GSTCD: variants seen among roughly 807,000 people sequenced by gnomAD.
GSTCD encodes the protein glutathione S-transferase C-terminal domain-containing protein.
GSTCD carries 44 observed loss-of-function variants against 68.3 expected under a neutral mutation model. The observed-to-expected ratio is 0.64, with a 90% CI of 0.51 to 0.83. The LOEUF is 0.83. Ranked by LOEUF, GSTCD falls within the 40% of genes least tolerant of loss-of-function variation. The pLI, the probability that GSTCD is intolerant of heterozygous loss-of-function variation, is 0.00. For synonymous variants in GSTCD, 273 were observed against 255.2 expected, an observed-to-expected ratio of 1.07 and a Z score of -0.67; for missense variants, 739 against 735.9, an observed-to-expected ratio of 1.00 and a Z score of -0.05.
At chr4:105,815,881 A>G (rs1043367241) in intron 5 of GSTCD, among the ~76,000 whole-genome samples, 3 of 152,218 alleles carry the variant, frequency 2.0e-5, no homozygotes, top group Non-Finnish European at 4.4e-5. Context: ...AAATAACAAC[A>G]ACAAAAACCC....
At chr4:105,766,470 A>G (rs1032115588) in intron 5 of GSTCD, among the ~76,000 whole-genome samples, 1 of 152,260 alleles carries the variant, frequency 6.6e-6, no homozygotes, top group African/African-American at 2.4e-5. Context: ...TATATAGAAT[A>G]GAACCAGGGA....
At chr4:105,788,164 C>CAT (rs1221854490) in intron 5 of GSTCD, among the ~76,000 whole-genome samples, 6 of 151,956 alleles carry the variant, frequency 3.9e-5, no homozygotes, top group Non-Finnish European at 8.8e-5. Flanking sequence ...CCTGTGGTTT[C>CAT]ATAAATACTT....
chr4:105,726,694 T>A lies in GSTCD; in HGVS notation c.1010T>A (p.Ile337Asn). The A allele has an allele frequency of 6.2e-7, 1 of 1,613,990 alleles. No homozygotes were observed. The highest frequency in any genetic ancestry group is 8.5e-7 in the Non-Finnish European group (1 of 1,179,950). The change falls in exon 4 of 12, where the codon ATC (isoleucine) becomes AAC (asparagine). Residue 337 changes from isoleucine to asparagine, a missense_variant. Physicochemically the swap from Ile to Asn is moderately radical, Grantham distance 149. Coordinates refer to ENST00000515279, the MANE Select transcript of GSTCD (RefSeq NM_001370181.1). ...GVKTAASKCG[I>N]QFLHLPKLLT... ...AAAACAGCAGCTTCTAAGTGTGGGA[T>A]CCAATTTCTCCATTTACCAAAGTTG...
At chr4:105,776,616 A>G (rs934982772) in intron 5 of GSTCD, among the ~76,000 whole-genome samples, 1 of 152,092 alleles carries the variant, frequency 6.6e-6, no homozygotes, top group Non-Finnish European at 1.5e-5. Context: ...CTTGCACTTC[A>G]TCGGTGAGGC....
In GSTCD at chr4:105,726,562, A is replaced by G. The variant is rs766813956; in HGVS notation, c.895-17A>G. 2 of 1,497,276 alleles carry G rather than the reference A, an allele frequency of 1.3e-6. No individual in the cohort carries two copies. The highest frequency in any genetic ancestry group is 1.4e-5 in the African/African-American group (1 of 70,690). 92.7% of individuals were successfully genotyped at this position (1,497,276 alleles called of 1,614,324 possible). On this transcript the variant is annotated splice_polypyrimidine_tract_variant and intron_variant, in intron 3 of 11. Transcript: ENST00000515279. ...CAAAATATATATAATAATGTGTTTT[A>G]TTATTTTCCTACCTAGGTAATTATC... is the stretch of plus-strand genomic sequence containing the variant.
chr4:105,822,096 T>C (rs1348290537), intron 5 of GSTCD, among the ~76,000 whole-genome samples: 4 of 152,050 alleles, frequency 2.6e-5, no homozygotes. Context: ...TCTGGTGTCT[T>C]ACATTTTCTT....
chr4:105,770,966 GAACT>G (rs1201762616), intron 5 of GSTCD, among the ~76,000 whole-genome samples: 2 of 152,110 alleles, frequency 1.3e-5, no homozygotes, highest in African/African-American at 4.8e-5. Context: ...CACAATGGTT[GAACT>G]AATTTATACT....
intron 5 of GSTCD, among the ~76,000 whole-genome samples, chr4:105,753,602 C>T (rs1379564367): frequency 6.6e-6 from 1 of 151,854 alleles, no homozygotes; most frequent in East Asian, 1.9e-4. Context: ...CTAGAGATGA[C>T]AGTATATGGG....
In GSTCD at chr4:105,709,438, A is replaced by G. The variant is rs1042049608; in HGVS notation, c.-22+422A>G. ...TTCCATTCCAGCCCTTCCTGATTGCAGAAAGCAGTTCTATGTGAATACTAC... is the reference window on the plus strand; with the variant it reads ...TTCCATTCCAGCCCTTCCTGATTGCGGAAAGCAGTTCTATGTGAATACTAC... On this transcript the variant is annotated intron_variant, in intron 1 of 11. Transcript: ENST00000515279. Among the ~76,000 whole-genome samples, 6 of 152,286 alleles carry G rather than the reference A, an allele frequency of 3.9e-5. No homozygotes were observed. In the South Asian group the frequency reaches 1.2e-3, roughly 32 times the overall value.
At chr4:105,791,469 C>CGTTT (rs963790783) in intron 5 of GSTCD, among the ~76,000 whole-genome samples, 12 of 151,070 alleles carry the variant, frequency 7.9e-5, no homozygotes, top group Non-Finnish European at 1.2e-4. Flanking sequence ...GAGTAAAACA[C>CGTTT]GTTTGTTTGT....
chr4:105,739,172 C>T (rs540796180), intron 5 of GSTCD, among the ~76,000 whole-genome samples: 1 of 152,212 alleles, frequency 6.6e-6, no homozygotes, highest in Admixed American at 6.5e-5. Context: ...TCCTTATATT[C>T]CTGGGATAAA....
intron 5 of GSTCD, among the ~76,000 whole-genome samples, chr4:105,733,206 G>T (rs543773538): frequency 1.3e-5 from 2 of 152,108 alleles, no homozygotes; most frequent in Non-Finnish European, 2.9e-5. Context: ...TATTTGGTTT[G>T]CTTGGTGTGG....
intron 5 of GSTCD, among the ~76,000 whole-genome samples, chr4:105,800,146 A>G (rs1389181597): frequency 6.6e-6 from 1 of 152,214 alleles, no homozygotes; most frequent in Non-Finnish European, 1.5e-5. Context: ...AAGAGGTTTA[A>G]TGGACTTGCA....
At chr4:105,760,514 G>GATT (rs1419623187) in intron 5 of GSTCD, among the ~76,000 whole-genome samples, 2 of 152,118 alleles carry the variant, frequency 1.3e-5, no homozygotes, top group Non-Finnish European at 2.9e-5. Context: ...TTTGTTAAGG[G>GATT]ATTACTAAGT....
chr4:105,776,358 G>A (rs571259521), intron 5 of GSTCD, among the ~76,000 whole-genome samples: 16 of 152,174 alleles, frequency 1.1e-4, no homozygotes, highest in Admixed American at 7.2e-4. Context: ...GTTTTGTCTC[G>A]CTGGCATTCC....
rs1560792598 is a variant in GSTCD at position 105,719,317 on chromosome 4, A to AG, written c.687dup (p.Leu230ValfsTer78). 3.7e-6 allele frequency: 6 copies of AG among 1,614,140 alleles called. No individual in the cohort carries two copies. Among genetic ancestry groups the AG allele is most frequent in the Non-Finnish European group, 5.1e-6 (6 of 1,180,006 alleles). ...AGGTCCACACACAGGAAACATCTGA[A>AG]GGGTTGGATTCTTCATCCAAGAGTC... On this transcript the variant is annotated frameshift_variant, in exon 3 of 12. Coordinates refer to ENST00000515279, the MANE Select transcript of GSTCD (RefSeq NM_001370181.1). LOFTEE classifies it high-confidence loss of function.
At chr4:105,718,753 C>T (rs1320743750) in intron 2 of GSTCD, among the ~76,000 whole-genome samples, 2 of 152,012 alleles carry the variant, frequency 1.3e-5, no homozygotes, top group African/African-American at 4.8e-5. Flanking sequence ...AATAGGAGCT[C>T]AAATAGCAAT....
intron 5 of GSTCD, among the ~76,000 whole-genome samples, chr4:105,736,929 C>G (rs1440507145): frequency 1.2e-4 from 18 of 152,092 alleles, no homozygotes; most frequent in Admixed American, 1.2e-3. Context: ...ATTTTTATGG[C>G]TGGATAGTTG....
chr4:105,723,784 T>C (rs1732945719), intron 3 of GSTCD, among the ~76,000 whole-genome samples: 1 of 151,790 alleles, frequency 6.6e-6, no homozygotes, highest in Non-Finnish European at 1.5e-5. Flanking sequence ...CTATTTCATT[T>C]TTTAAAAACC....
Sources: allele counts gnomAD v4.1 joint callset (sites outside exome capture counted in the v4.1 genomes callset), GRCh38; gene constraint gnomAD v4.1.1; transcripts MANE v1.5; gene names NCBI Gene and HGNC (gene_info 2026-07-23, HGNC 2026-07-21).